The following DCTN4 variants were observed in gnomAD, a reference collection of about 807,000 sequenced individuals.
The protein encoded by DCTN4 is dynactin 4 (p62).
Under a neutral mutation model 62.7 loss-of-function variants are expected in DCTN4, and 23 were observed. The observed-to-expected ratio is 0.37, with a 90% confidence interval of 0.26 to 0.52. The LOEUF (loss-of-function observed/expected upper bound fraction) is 0.52. Among genes scored for constraint, DCTN4 ranks in the 20% least tolerant of loss-of-function variants. The pLI is 0.92. For missense variants in DCTN4, 514 were observed against 580.4 expected (o/e 0.89, Z 1.18); for synonymous variants, 199 against 202.1 (o/e 0.98, Z 0.13).
At chr5:150,741,798 A>C (rs918447312) in intron 4 of DCTN4, among the ~76,000 whole-genome samples, 1 of 152,208 alleles carries the variant, frequency 6.6e-6, no homozygotes, top group South Asian at 2.1e-4. Context: ...GATATTTCTA[A>C]GAGTATCTGA....
chr5:150,742,243 G>C, intron 3 of DCTN4, 86 bp from the exon 4 acceptor site: 1 of 1,379,086 alleles, frequency 7.3e-7, no homozygotes, highest in Non-Finnish European at 1.0e-6. Context: ...GCCATAAAAA[G>C]AAACTTAAAA....
rs1759557275 is a variant in DCTN4, at chr5:150,711,356, T to G, written c.1176A>C (p.Ile392=). 6.2e-7 allele frequency: 1 copy of G among 1,612,442 alleles called. No individual in the cohort carries two copies. Among genetic ancestry groups the G allele is most frequent in the South Asian group, 1.1e-5 (1 of 91,006 alleles). The change falls in exon 13 of 13, where the codon ATA becomes ATC. Residue 392 remains isoleucine (I), a synonymous_variant. Transcript: ENST00000447998. ...CCACTTTGTTGGCCTTTCTGAAGGCTATAATGCTATGGAAAGAAAAAAAAG... is the reference window on the plus strand; with the variant it reads ...CCACTTTGTTGGCCTTTCTGAAGGCGATAATGCTATGGAAAGAAAAAAAAG... ...PQDFQDDPDI[I]AFRKANKVGI...
Position 150,709,734 on chromosome 5 carries a change from T to C in DCTN4, c.*1415A>G, listed in dbSNP as rs1283393276. 6.6e-6 allele frequency: 1 copy of C among 152,354 alleles called. No homozygotes were observed. The highest frequency in any genetic ancestry group is 2.4e-5 in the African/African-American group (1 of 41,472). The allele number at this position is 152,354 out of a possible 1,614,324, so 9.4% of individuals were successfully genotyped here. On this transcript the variant is annotated 3_prime_UTR_variant, in exon 13 of 13. Transcript: ENST00000447998. ...AGCTTCCTAAATATTTAAAACATTTTCAAGGGAAGCTTACAAGGACTATGT... is the reference window on the plus strand; with the variant it reads ...AGCTTCCTAAATATTTAAAACATTTCCAAGGGAAGCTTACAAGGACTATGT...
intron 3 of DCTN4, among the ~76,000 whole-genome samples, chr5:150,746,635 T>C (rs1760974893): frequency 6.6e-6 from 1 of 152,134 alleles, no homozygotes; most frequent in South Asian, 2.1e-4. Context: ...TGGTTCAACA[T>C]ACGCAAATCA....
chr5:150,721,785 A>G (rs1445369128), intron 9 of DCTN4, among the ~76,000 whole-genome samples: 1 of 152,138 alleles, frequency 6.6e-6, no homozygotes, highest in African/African-American at 2.4e-5. Flanking sequence ...TTCTTGCTTT[A>G]CTATTTGTCT....
chr5:150,754,012 T>C (rs761162641), intron 2 of DCTN4, among the ~76,000 whole-genome samples: 3 of 152,182 alleles, frequency 2.0e-5, no homozygotes, highest in African/African-American at 7.2e-5. Flanking sequence ...AACTGTGCCA[T>C]AGAAAACTTA....
intron 3 of DCTN4, among the ~76,000 whole-genome samples, chr5:150,752,455 C>T (rs1442907901): frequency 6.6e-6 from 1 of 152,068 alleles, no homozygotes; most frequent in East Asian, 1.9e-4. Context: ...TGTTTGAATG[C>T]TCCAGGACAG....
At position 150,708,527 on chromosome 5, in the gene DCTN4, T is replaced by C. The variant is rs887524198; in HGVS notation, c.*2622A>G. The C allele has an allele frequency of 6.6e-6, 1 of 152,520 alleles. No homozygotes were observed. The highest frequency in any genetic ancestry group is 1.5e-5 in the Non-Finnish European group (1 of 68,040). The allele number at this position is 152,520 out of a possible 1,614,324, so 9.4% of individuals were successfully genotyped here. On this transcript the variant is annotated 3_prime_UTR_variant, in exon 13 of 13. Coordinates refer to ENST00000447998, the MANE Select transcript of DCTN4 (RefSeq NM_016221.4). ...ACTGGTAGAGGTCTAACAACATTTA[T>C]ATAATGGTTCTGTGAATATGTATAT...
At chr5:150,736,284 G>C (rs190712999) in intron 4 of DCTN4, 14 of 152,174 alleles carry the variant, frequency 9.2e-5, no homozygotes, top group African/African-American at 3.1e-4. Flanking sequence ...ATCGCAAAAA[G>C]ATCACCACCT....
chr5:150,740,757 G>T (rs961123478), intron 4 of DCTN4, among the ~76,000 whole-genome samples: 1 of 152,162 alleles, frequency 6.6e-6, no homozygotes, highest in African/African-American at 2.4e-5. Context: ...CAGCAACCTG[G>T]ATAGTGTTGG....
intron 2 of DCTN4, 132 bp from the exon 3 acceptor site, chr5:150,753,789 T>A: frequency 1.1e-6 from 1 of 886,054 alleles, no homozygotes; most frequent in Non-Finnish European, 1.7e-6. Context: ...AACTTTGCTT[T>A]AACAGTTCAA....
In DCTN4 at chr5:150,710,954, G is replaced by T. The variant is rs758374820; in HGVS notation, c.*195C>A. On this transcript the variant is annotated 3_prime_UTR_variant, in exon 13 of 13. Coordinates refer to ENST00000447998, the MANE Select transcript of DCTN4 (RefSeq NM_016221.4). ...AGACACAGACTTACTGGTGTCAACA[G>T]GGGTGAGAGCAAGAGCAACAGCAGC... 1 of 595,400 alleles carries T rather than the reference G, an allele frequency of 1.7e-6. No individual in the cohort carries two copies. Among genetic ancestry groups the T allele is most frequent in the Non-Finnish European group, 3.0e-6 (1 of 334,744 alleles). 36.9% of individuals were successfully genotyped at this position (595,400 alleles called of 1,614,324 possible).
chr5:150,756,237 T>C (rs1752857136), intron 2 of DCTN4, among the ~76,000 whole-genome samples, 180 bp downstream of exon 2: 1 of 152,040 alleles, frequency 6.6e-6, no homozygotes, highest in Non-Finnish European at 1.5e-5. Flanking sequence ...GAGATGGGGT[T>C]TCGCCATGTT....
chr5:150,713,777 TTCTCTC>T (rs528032071), intron 12 of DCTN4, among the ~76,000 whole-genome samples: 1 of 151,970 alleles, frequency 6.6e-6, no homozygotes, highest in Non-Finnish European at 1.5e-5. Context: ...TTGTTATCTC[TTCTCTC>T]TAATATCTTG....
chr5:150,727,103 A>ATT (rs1366418416), intron 8 of DCTN4, among the ~76,000 whole-genome samples: 6 of 152,144 alleles, frequency 3.9e-5, no homozygotes, highest in Admixed American at 6.6e-5. Context: ...TGGCCTAACT[A>ATT]ACCACTAAGT....
At chr5:150,719,643 A>G in intron 10 of DCTN4, 73 bp downstream of exon 10, 1 of 1,085,732 alleles carries the variant, frequency 9.2e-7, no homozygotes. Context: ...ATACACACAC[A>G]GCCACCCACA....
At chr5:150,749,225 A>G (rs1752579100) in intron 3 of DCTN4, among the ~76,000 whole-genome samples, 1 of 152,238 alleles carries the variant, frequency 6.6e-6, no homozygotes, top group Non-Finnish European at 1.5e-5. Flanking sequence ...ATGGACTTGT[A>G]TCCAGAATAT....
chr5:150,733,323 T>C lies in DCTN4; in HGVS notation c.537+45A>G, dbSNP rs752634230. ...CATTTTCTGAAATGATCACTGTTCTTAGGCCTTAGAGGTCTTGCAAATCAT... is the reference window on the plus strand; with the variant it reads ...CATTTTCTGAAATGATCACTGTTCTCAGGCCTTAGAGGTCTTGCAAATCAT... On this transcript the variant is annotated intron_variant, in intron 5 of 12. Coordinates refer to ENST00000447998, the MANE Select transcript of DCTN4 (RefSeq NM_016221.4). The C allele has an allele frequency of 2.9e-6, 4 of 1,375,732 alleles. No individual in the cohort carries two copies. In the South Asian group the frequency reaches 3.6e-5, roughly 12 times the overall value. The allele number at this position is 1,375,732 out of a possible 1,614,324, so 85.2% of individuals were successfully genotyped here.
At chr5:150,745,468 C>T (rs1371479701) in intron 3 of DCTN4, among the ~76,000 whole-genome samples, 1 of 152,114 alleles carries the variant, frequency 6.6e-6, no homozygotes, top group Non-Finnish European at 1.5e-5. Flanking sequence ...AACTCTCCAC[C>T]CCAAATCAAC....
Sources: allele counts gnomAD v4.1 joint callset (sites outside exome capture counted in the v4.1 genomes callset), GRCh38; gene constraint gnomAD v4.1.1; transcripts MANE v1.5; gene names NCBI Gene and HGNC (gene_info 2026-07-23, HGNC 2026-07-21).